APBB1IP: variants seen among roughly 807,000 people sequenced by gnomAD.
APBB1IP encodes amyloid beta precursor protein binding family B member 1 interacting protein.
Under a neutral mutation model 64.9 loss-of-function variants are expected in APBB1IP, and 27 were observed. That is an observed-to-expected ratio of 0.42 (90% CI 0.31 to 0.57). The LOEUF is 0.57. APBB1IP is among the 20% of genes least tolerant of loss of function. The pLI, the probability that APBB1IP is intolerant of heterozygous loss-of-function variation, is 0.20. For missense variants in APBB1IP, 812 were observed against 845.5 expected (o/e 0.96, Z 0.49); for synonymous variants, 392 against 331.0 (o/e 1.18, Z -2.00).
At chr10:26,530,667 C>T (rs1012267140) in intron 8 of APBB1IP, among the ~76,000 whole-genome samples, 5 of 149,042 alleles carry the variant, frequency 3.4e-5, no homozygotes, top group East Asian at 2.0e-4. Flanking sequence ...TCCACCCTGG[C>T]GACAGAGCAA....
At chr10:26,493,453 G>T (rs370205268) in intron 3 of APBB1IP, among the ~76,000 whole-genome samples, 1 of 152,146 alleles carries the variant, frequency 6.6e-6, no homozygotes. Context: ...AAAGACAGGC[G>T]TAAGAAATTA....
chr10:26,531,427 G>A (rs1374170477), intron 8 of APBB1IP, among the ~76,000 whole-genome samples: 1 of 152,126 alleles, frequency 6.6e-6, no homozygotes, highest in Non-Finnish European at 1.5e-5. Context: ...CAGCACTTTG[G>A]GAGTCCGAGG....
intron 3 of APBB1IP, among the ~76,000 whole-genome samples, chr10:26,494,582 C>G (rs1038218189): frequency 3.3e-5 from 5 of 152,164 alleles, no homozygotes; most frequent in Non-Finnish European, 5.9e-5. Flanking sequence ...AATGCCAGCA[C>G]TTTGGGAGGC....
At chr10:26,444,869 A>G (rs1379631277) in intron 2 of APBB1IP, among the ~76,000 whole-genome samples, 1 of 152,000 alleles carries the variant, frequency 6.6e-6, no homozygotes, top group African/African-American at 2.4e-5. Flanking sequence ...GGAGGCTGAG[A>G]TGGGTGGATC....
At chr10:26,562,099 A>G (rs1836980141) in intron 13 of APBB1IP, 1 of 432,728 alleles carries the variant, frequency 2.3e-6, no homozygotes, top group African/African-American at 2.0e-5. Flanking sequence ...AATCTCATAT[A>G]AAGTTTTGTC....
At chr10:26,554,917 A>C (rs1836876052) in intron 11 of APBB1IP, among the ~76,000 whole-genome samples, 1 of 152,074 alleles carries the variant, frequency 6.6e-6, no homozygotes, top group South Asian at 2.1e-4. Flanking sequence ...GCCCACTTTC[A>C]TCAGGATGAC....
At chr10:26,565,020 A>ATT (rs1170894587) in intron 14 of APBB1IP, among the ~76,000 whole-genome samples, 4 of 152,108 alleles carry the variant, frequency 2.6e-5, no homozygotes, top group African/African-American at 4.8e-5. Flanking sequence ...ACAAGGAGAC[A>ATT]TTGTCCCCAA....
chr10:26,500,971 A>G lies in APBB1IP; in HGVS notation c.313A>G (p.Ser105Gly). 6.2e-7 allele frequency: 1 copy of G among 1,614,198 alleles called. No individual in the cohort carries two copies. Among genetic ancestry groups the G allele is most frequent in the Non-Finnish European group, 8.5e-7 (1 of 1,180,044 alleles). ...AGCATCTCTACAAGCATCAATTTTCAGTGGTGCAGCCTCTCTTGGTTATGG... is the reference window on the plus strand; with the variant it reads ...AGCATCTCTACAAGCATCAATTTTCGGTGGTGCAGCCTCTCTTGGTTATGG... Reference protein sequence around the residue: ...HSASLQASIFSGAASLGYGTN... With the variant: ...HSASLQASIFGGAASLGYGTN... Residue 105 changes from serine to glycine, a missense_variant, in exon 5 of 15, where the codon AGT becomes GGT. Coordinates refer to ENST00000376236, the MANE Select transcript of APBB1IP (RefSeq NM_019043.4).
chr10:26,559,965 A>T (rs1465097501), intron 11 of APBB1IP, 140 bp from the exon 12 acceptor site: 1 of 688,084 alleles, frequency 1.5e-6, no homozygotes, highest in Non-Finnish European at 2.5e-6. Flanking sequence ...TTATCTTCCT[A>T]ATCTTAACAT....
intron 2 of APBB1IP, among the ~76,000 whole-genome samples, chr10:26,486,086 T>C (rs1362158988): frequency 6.6e-6 from 1 of 151,516 alleles, no homozygotes; most frequent in Non-Finnish European, 1.5e-5. Context: ...AATAAAATAA[T>C]GTAAAAAAAT....
At chr10:26,521,558 G>A (rs1003275652) in intron 8 of APBB1IP, among the ~76,000 whole-genome samples, 6 of 152,016 alleles carry the variant, frequency 3.9e-5, no homozygotes, top group African/African-American at 1.2e-4. Flanking sequence ...CCCTTTGGTG[G>A]ACTTCCTTCC....
In APBB1IP at chr10:26,447,374, C is replaced by CAAAAAA. The variant is rs55948326; in HGVS notation, c.-1+8538_-1+8543dup. ...TGGGTGACAGAGTGAGACTCCGTCT[C>CAAAAAA]AAAAAAAAAAAAAAAAAAAAAAGAA... On this transcript the variant is annotated intron_variant, in intron 2 of 14. Transcript: ENST00000376236. Among the ~76,000 whole-genome samples the CAAAAAA allele has an allele frequency of 2.7e-4, 15 of 54,944 alleles. 1 individual carries two copies. The highest frequency in any genetic ancestry group is 6.5e-4 in the Admixed American group (3 of 4,630). The allele number at this position is 54,944 out of a possible 152,430, so 36.0% of individuals were successfully genotyped here.
Position 26,501,043 on chromosome 10 carries a change from C to T in APBB1IP, c.385C>T (p.Pro129Ser), listed in dbSNP as rs1435987194. Residue 129 changes from proline (P) to serine (S), a missense_variant, in exon 5 of 15, where the codon CCA (proline) becomes TCA (serine). Coordinates refer to ENST00000376236, the MANE Select transcript of APBB1IP (RefSeq NM_019043.4). ...TGISQYEDDL[P>S]PPPADPVLDL... Reference sequence around the variant, plus strand: ...TATCAGCCAATATGAGGATGACTTACCACCTCCACCAGCCGATCCTGTGTT... The same window carrying T: ...TATCAGCCAATATGAGGATGACTTATCACCTCCACCAGCCGATCCTGTGTT... 6.2e-7 allele frequency: 1 copy of T among 1,614,144 alleles called. No homozygotes were observed. The highest frequency in any genetic ancestry group is 8.5e-7 in the Non-Finnish European group (1 of 1,180,022).
chr10:26,485,189 T>C (rs1015836903), intron 2 of APBB1IP, among the ~76,000 whole-genome samples: 1 of 152,242 alleles, frequency 6.6e-6, no homozygotes, highest in African/African-American at 2.4e-5. Flanking sequence ...AACAGTGTTA[T>C]AGTGAATGAG....
intron 13 of APBB1IP, 22 bp from the exon 14 acceptor site, chr10:26,562,299 CTTCTT>C: frequency 6.5e-7 from 1 of 1,545,214 alleles, no homozygotes; most frequent in Non-Finnish European, 8.9e-7. Flanking sequence ...TTTGCTCACT[CTTCTT>C]TTCTCACTTC....
chr10:26,543,271 G>A (rs548493055), intron 11 of APBB1IP, among the ~76,000 whole-genome samples: 4 of 151,922 alleles, frequency 2.6e-5, no homozygotes, highest in Non-Finnish European at 4.4e-5. Flanking sequence ...ACTCTAGACC[G>A]TACTGGCCAA....
At chr10:26,492,844 C>T (rs118079459) in intron 3 of APBB1IP, among the ~76,000 whole-genome samples, 2,784 of 152,232 alleles carry the variant, frequency 0.018, 30 homozygotes, top group Non-Finnish European at 0.028. Context: ...CCGCTGTGCA[C>T]GCATTGTCAT....
rs867696597 is a variant in APBB1IP at position 26,542,470 on chromosome 10, A to T, written c.1155+778A>T. Among the ~76,000 whole-genome samples, 21 of 152,288 alleles carry T rather than the reference A, an allele frequency of 1.4e-4. 1 individual carries two copies. The highest frequency in any genetic ancestry group is 3.4e-3 in the Middle Eastern group (1 of 294). ...CACTCCTGGCCGATTTACATTTTTT[A>T]AAATTAGAATCTCAGATCAGTCTGA... is the stretch of plus-strand genomic sequence containing the variant. On this transcript the variant is annotated intron_variant, in intron 11 of 14. Coordinates refer to ENST00000376236, the MANE Select transcript of APBB1IP (RefSeq NM_019043.4).
rs1181594091 is a variant in APBB1IP at position 26,455,287 on chromosome 10, T to C, written c.-1+16434T>C. On this transcript the variant is annotated intron_variant, in intron 2 of 14. Transcript: ENST00000376236. ...GCTCACGCCTGTAATCCCAGCACTT[T>C]GGGAGGCCGAGGCGGGCGGATCACA... Among the ~76,000 whole-genome samples the C allele has an allele frequency of 3.3e-5, 5 of 152,268 alleles. No homozygotes were observed. The East Asian group carries it at 9.7e-4, about 29-fold the overall frequency.
Sources: allele counts gnomAD v4.1 joint callset (sites outside exome capture counted in the v4.1 genomes callset), GRCh38; gene constraint gnomAD v4.1.1; transcripts MANE v1.5; gene names NCBI Gene and HGNC (gene_info 2026-07-23, HGNC 2026-07-21).